The following PRMT3 variants were observed in gnomAD, a reference collection of about 807,000 sequenced individuals.
PRMT3 encodes protein arginine N-methyltransferase 3.
Under a neutral mutation model 71.9 loss-of-function variants are expected in PRMT3, and 62 were observed. The observed-to-expected ratio is 0.86, with a 90% confidence interval of 0.70 to 1.07. The LOEUF (loss-of-function observed/expected upper bound fraction) is 1.07, where lower values mean the gene tolerates loss of function less well. Among genes scored for constraint, PRMT3 ranks in the 50% least tolerant of loss-of-function variants. The pLI, the probability that PRMT3 is intolerant of heterozygous loss-of-function variation, is 0.00. For synonymous variants in PRMT3, 213 were observed against 220.4 expected, an observed-to-expected ratio of 0.97 and a Z score of 0.30; for missense variants, 663 against 643.0, an observed-to-expected ratio of 1.03 and a Z score of -0.34.
In PRMT3 at chr11:20,508,456, G is replaced by C. The variant is rs367604428; in HGVS notation, c.*43G>C. The C allele has an allele frequency of 7.2e-7, 1 of 1,381,198 alleles. No homozygotes were observed. The highest frequency in any genetic ancestry group is 1.0e-6 in the Non-Finnish European group (1 of 968,390). 85.6% of individuals were successfully genotyped at this position (1,381,198 alleles called of 1,614,324 possible). On this transcript the variant is annotated 3_prime_UTR_variant, in exon 16 of 16. Transcript: ENST00000331079. The stretch of plus-strand genomic sequence containing the variant: ...ACTACCTTGTAGTTTTTAATGTGGG[G>C]GTAGAGTGGGTCAGCAGGAGGGAGC...
chr11:20,407,426 A>T (rs1009573082), intron 8 of PRMT3: 1 of 153,718 alleles, frequency 6.5e-6, no homozygotes, highest in African/African-American at 2.4e-5. Flanking sequence ...TGGAACTTTT[A>T]AAAAATTCTT....
rs766493255 is a variant in PRMT3, at chr11:20,395,923, C to G, written c.521C>G (p.Ala174Gly). The G allele has an allele frequency of 1.2e-6, 2 of 1,614,014 alleles. No homozygotes were observed. ...GAAGCCAGGGCACTGTCTGCTGAAG[C>G]CGCATTGGCCAGAGCACGTGAGGAT... ...HMEARALSAE[A>G]ALARAREDLQ... is the part of the protein sequence containing the mutation. Residue 174 changes from alanine to glycine, a missense_variant, in exon 6 of 16, where the codon GCC (alanine) becomes GGC (glycine). Coordinates refer to ENST00000331079, the MANE Select transcript of PRMT3 (RefSeq NM_005788.4).
intron 9 of PRMT3, among the ~76,000 whole-genome samples, chr11:20,425,218 A>G (rs897467085): frequency 3.9e-5 from 6 of 152,236 alleles, no homozygotes; most frequent in Non-Finnish European, 8.8e-5. Context: ...AAAATGCTTG[A>G]TCATTAGGAA....
At chr11:20,392,077 A>C in intron 3 of PRMT3, 134 bp from the exon 4 acceptor site, 1 of 790,160 alleles carries the variant, frequency 1.3e-6, no homozygotes, top group South Asian at 1.8e-5. Flanking sequence ...AATTCTTAAT[A>C]AAATTCAAAA....
At chr11:20,479,340 C>T (rs908327413) in intron 13 of PRMT3, among the ~76,000 whole-genome samples, 1 of 152,108 alleles carries the variant, frequency 6.6e-6, no homozygotes, top group African/African-American at 2.4e-5. Context: ...ACAAGCCACA[C>T]CCGATAGTTC....
chr11:20,461,455 T>C (rs1850381173), intron 11 of PRMT3, among the ~76,000 whole-genome samples: 1 of 152,220 alleles, frequency 6.6e-6, no homozygotes, highest in Admixed American at 6.5e-5. Context: ...GTGTCCATAG[T>C]CTGTAAATTA....
At chr11:20,444,372 CA>C (rs1346130719) in intron 10 of PRMT3, among the ~76,000 whole-genome samples, 1 of 152,126 alleles carries the variant, frequency 6.6e-6, no homozygotes, top group Non-Finnish European at 1.5e-5. Context: ...ACCTCATGTT[CA>C]GTGTAAGGTA....
intron 6 of PRMT3, 108 bp downstream of exon 6, chr11:20,396,070 T>A: frequency 2.0e-6 from 2 of 978,422 alleles, no homozygotes; most frequent in Non-Finnish European, 3.0e-6. Flanking sequence ...AAGTACAATG[T>A]AGATATTTTA....
At chr11:20,508,013 G>A (rs1015406929) in intron 15 of PRMT3, among the ~76,000 whole-genome samples, 1 of 151,982 alleles carries the variant, frequency 6.6e-6, no homozygotes, top group Non-Finnish European at 1.5e-5. Context: ...AGCTGAGGCA[G>A]GAAAATCTCT....
chr11:20,435,084 G>T (rs765253212), intron 10 of PRMT3, among the ~76,000 whole-genome samples: 4 of 151,984 alleles, frequency 2.6e-5, no homozygotes, highest in Non-Finnish European at 5.9e-5. Context: ...TTTGTTGTTT[G>T]TGCTTTTGAG....
intron 10 of PRMT3, among the ~76,000 whole-genome samples, chr11:20,427,403 G>C (rs1849570697): frequency 6.6e-6 from 1 of 152,214 alleles, no homozygotes; most frequent in African/African-American, 2.4e-5. Context: ...TGTCAAGACA[G>C]AATGTTTATT....
At chr11:20,397,542 A>G in intron 6 of PRMT3, 35 bp from the exon 7 acceptor site, 1 of 1,609,382 alleles carries the variant, frequency 6.2e-7, no homozygotes, top group Non-Finnish European at 8.5e-7. Context: ...GGTCCAATAA[A>G]CCTGTCTCAA....
At chr11:20,389,646 G>A in intron 2 of PRMT3, 98 bp from the exon 3 acceptor site, 1 of 639,584 alleles carries the variant, frequency 1.6e-6, no homozygotes. Context: ...CTAGAAACCA[G>A]CAGAGTTAAA....
At chr11:20,429,607 C>T (rs1264866693) in intron 10 of PRMT3, among the ~76,000 whole-genome samples, 1 of 152,202 alleles carries the variant, frequency 6.6e-6, no homozygotes, top group Admixed American at 6.5e-5. Flanking sequence ...AAAAACAAAT[C>T]AGTGTATTCA....
intron 8 of PRMT3, among the ~76,000 whole-genome samples, chr11:20,404,084 ATTGT>A (rs1483114452): frequency 4.6e-5 from 7 of 151,546 alleles, no homozygotes; most frequent in African/African-American, 7.3e-5. Context: ...AAAGTTTATA[ATTGT>A]TTGTGCTGAT....
chr11:20,390,149 C>CA (rs10634828), intron 3 of PRMT3, among the ~76,000 whole-genome samples: 117,338 of 145,688 alleles, frequency 0.81, 49,053 homozygotes, highest in Non-Finnish European at 0.94. Context: ...AGACTCTTCT[C>CA]AAAAAAAAAA....
At chr11:20,408,196 C>T (rs1849115477) in intron 9 of PRMT3, among the ~76,000 whole-genome samples, 164 bp downstream of exon 9, 1 of 152,062 alleles carries the variant, frequency 6.6e-6, no homozygotes, top group Non-Finnish European at 1.5e-5. Context: ...GAGCTAGACA[C>T]ATTTGAGCTA....
chr11:20,444,490 C>G (rs1849980294), intron 10 of PRMT3, among the ~76,000 whole-genome samples: 2 of 152,222 alleles, frequency 1.3e-5, no homozygotes, highest in South Asian at 2.1e-4. Context: ...AAAATACACC[C>G]TTGTGATTTC....
In PRMT3 at chr11:20,508,574, G is replaced by A. The variant is rs573152586; in HGVS notation, c.*161G>A. ...GTTCTCATTGTGGGAATCTGACATAGTTCAGCTGAGGAAGAGAATCAGCTG... is the reference window on the plus strand; with the variant it reads ...GTTCTCATTGTGGGAATCTGACATAATTCAGCTGAGGAAGAGAATCAGCTG... On this transcript the variant is annotated 3_prime_UTR_variant, in exon 16 of 16. Transcript: ENST00000331079. 3.4e-5 allele frequency: 24 copies of A among 700,968 alleles called. No homozygotes were observed. In the Admixed American group the frequency reaches 4.0e-4, roughly 12 times the overall value. The allele number at this position is 700,968 out of a possible 1,614,324, so 43.4% of individuals were successfully genotyped here.
Sources: allele counts gnomAD v4.1 joint callset (sites outside exome capture counted in the v4.1 genomes callset), GRCh38; gene constraint gnomAD v4.1.1; transcripts MANE v1.5; gene names NCBI Gene and HGNC (gene_info 2026-07-23, HGNC 2026-07-21).